Variants in MYRIP observed in about 807,000 individuals in gnomAD.
MYRIP encodes rab effector MyRIP.
MYRIP carries 49 observed loss-of-function variants against 98.0 expected under a neutral mutation model. That is an observed-to-expected ratio of 0.50 (90% CI 0.40 to 0.63). MYRIP has a LOEUF of 0.63. Among genes scored for constraint, MYRIP ranks in the 30% least tolerant of loss-of-function variants. The pLI is 0.00. For missense variants in MYRIP, 1,004 were observed against 1,058.2 expected, an observed-to-expected ratio of 0.95 and a Z score of 0.71; for synonymous variants, 404 against 409.5, an observed-to-expected ratio of 0.99 and a Z score of 0.16.
chr3:40,142,257 T>C (rs1949918841), intron 3 of MYRIP, among the ~76,000 whole-genome samples: 1 of 152,060 alleles, frequency 6.6e-6, no homozygotes, highest in South Asian at 2.1e-4. Flanking sequence ...TTTACCATGT[T>C]GGTCAGGCTG....
intron 1 of MYRIP, among the ~76,000 whole-genome samples, chr3:39,845,970 C>G (rs1294874364): frequency 6.6e-6 from 1 of 152,146 alleles, no homozygotes; most frequent in African/African-American, 2.4e-5. Context: ...AGATGACCTT[C>G]CTGCAGTCAC....
intron 1 of MYRIP, among the ~76,000 whole-genome samples, chr3:39,888,920 A>G (rs1943396974): frequency 6.6e-6 from 1 of 152,208 alleles, no homozygotes; most frequent in Admixed American, 6.5e-5. Flanking sequence ...CAAAAAACAC[A>G]TGAAAAAATG....
At chr3:40,136,296 C>T (rs951977110) in intron 3 of MYRIP, among the ~76,000 whole-genome samples, 21 of 152,158 alleles carry the variant, frequency 1.4e-4, no homozygotes, top group African/African-American at 5.1e-4. Context: ...AAGGCCATTA[C>T]ATAATGGTAA....
chr3:40,244,995 T>G lies in MYRIP; in HGVS notation c.2262+388T>G, dbSNP rs73827178. On this transcript the variant is annotated intron_variant, in intron 13 of 16. Transcript: ENST00000302541. ...TTAAGTAATATTCCCCATTATAGAC[T>G]GAAAGCTCCATGAGAATAGAACTAT... Among the ~76,000 whole-genome samples the G allele has an allele frequency of 8.8e-3, 1,343 of 152,296 alleles. 12 individuals carry two copies. Among genetic ancestry groups the G allele is most frequent in the African/African-American group, 0.031 (1,293 of 41,546 alleles).
At chr3:39,826,819 A>G (rs148988966) in intron 1 of MYRIP, among the ~76,000 whole-genome samples, 4 of 152,252 alleles carry the variant, frequency 2.6e-5, no homozygotes, top group African/African-American at 9.6e-5. Flanking sequence ...TAGATGCTCC[A>G]GTATTGGTTG....
At position 39,983,778 on chromosome 3, in the gene MYRIP, C is replaced by A. The variant is rs530222634; in HGVS notation, c.111-60272C>A. 1.4e-3 allele frequency among the ~76,000 whole-genome samples: 219 copies of A among 152,240 alleles called. 1 individual carries two copies. The highest frequency in any genetic ancestry group is 5.1e-3 in the African/African-American group (212 of 41,550). On this transcript the variant is annotated intron_variant, in intron 2 of 16. Coordinates refer to ENST00000302541, the MANE Select transcript of MYRIP (RefSeq NM_015460.4). ...AGAAAAATAATAGTAGGGACGCATTCTTTATAAAATACTTGAGAACATTCA... is the reference window on the plus strand; with the variant it reads ...AGAAAAATAATAGTAGGGACGCATTATTTATAAAATACTTGAGAACATTCA...
chr3:40,251,785 A>C (rs1407521940), intron 15 of MYRIP, 96 bp from the exon 16 acceptor site: 2 of 800,452 alleles, frequency 2.5e-6, no homozygotes, highest in Non-Finnish European at 4.3e-6. Context: ...CCAAGTCTAG[A>C]ACAAAAGTCT....
intron 4 of MYRIP, among the ~76,000 whole-genome samples, chr3:40,159,850 T>G (rs1950341501): frequency 6.6e-6 from 1 of 152,352 alleles, no homozygotes; most frequent in East Asian, 1.9e-4. Context: ...CTCCACCAGC[T>G]CCTTTAAGCA....
intron 3 of MYRIP, among the ~76,000 whole-genome samples, chr3:40,072,200 AT>A (rs1387074763): frequency 6.6e-6 from 1 of 151,854 alleles, no homozygotes; most frequent in Non-Finnish European, 1.5e-5. Context: ...TATGCATTTT[AT>A]TTTTTTATTT....
rs533159131 is a variant in MYRIP, at chr3:40,236,012, A to T, written c.2100+1959A>T. Among the ~76,000 whole-genome samples, 6 of 152,360 alleles carry T rather than the reference A, an allele frequency of 3.9e-5. No individual in the cohort carries two copies. In the East Asian group the frequency reaches 1.2e-3, roughly 29 times the overall value. ...TCAATACCATTTAGTTTGTACTCCT[A>T]AAAGCTATTCGCAAATATAAATATA... On this transcript the variant is annotated intron_variant, in intron 12 of 16. Coordinates refer to ENST00000302541, the MANE Select transcript of MYRIP (RefSeq NM_015460.4).
intron 2 of MYRIP, among the ~76,000 whole-genome samples, chr3:39,952,909 T>C (rs938290237): frequency 1.3e-5 from 2 of 152,120 alleles, no homozygotes; most frequent in Admixed American, 1.3e-4. Context: ...CAGGGATATA[T>C]ATGTAGGAGC....
intron 2 of MYRIP, among the ~76,000 whole-genome samples, chr3:40,028,190 G>A (rs890269117): frequency 6.6e-6 from 1 of 152,122 alleles, no homozygotes; most frequent in African/African-American, 2.4e-5. Context: ...CAGAGCTGGC[G>A]TGGTGATAGA....
chr3:39,903,339 G>T (rs1238864197), intron 2 of MYRIP, among the ~76,000 whole-genome samples: 9 of 152,144 alleles, frequency 5.9e-5, no homozygotes, highest in Admixed American at 5.9e-4. Flanking sequence ...TTTAATGAAT[G>T]TATAACTCAT....
intron 11 of MYRIP, among the ~76,000 whole-genome samples, chr3:40,229,303 A>C (rs1037447311): frequency 2.6e-5 from 4 of 152,214 alleles, no homozygotes. Context: ...TTGCTAAGGT[A>C]AAGTGTATTT....
chr3:40,097,608 C>T (rs570565529), intron 3 of MYRIP, among the ~76,000 whole-genome samples: 2 of 152,066 alleles, frequency 1.3e-5, no homozygotes, highest in Non-Finnish European at 1.5e-5. Flanking sequence ...TAAAAAACAC[C>T]CCCTCTCCAC....
At chr3:39,826,278 A>G (rs1175512047) in intron 1 of MYRIP, among the ~76,000 whole-genome samples, 1 of 151,730 alleles carries the variant, frequency 6.6e-6, no homozygotes, top group African/African-American at 2.4e-5. Context: ...AAATCTTTCT[A>G]CTTTTTTGAT....
intron 2 of MYRIP, among the ~76,000 whole-genome samples, chr3:39,950,930 T>G (rs965579265): frequency 6.6e-6 from 1 of 152,206 alleles, no homozygotes; most frequent in Non-Finnish European, 1.5e-5. Context: ...TATACCTTTT[T>G]GTATTCAGGT....
intron 2 of MYRIP, among the ~76,000 whole-genome samples, chr3:39,975,629 C>T (rs867857930): frequency 7.3e-5 from 11 of 151,306 alleles, no homozygotes; most frequent in African/African-American, 1.2e-4. Flanking sequence ...GGAGGCATCA[C>T]GCTACCTGAC....
At chr3:40,165,744 G>A (rs1325405222) in intron 5 of MYRIP, among the ~76,000 whole-genome samples, 1 of 116,114 alleles carries the variant, frequency 8.6e-6, no homozygotes, top group Non-Finnish European at 1.7e-5. Flanking sequence ...TCTCTCATTT[G>A]TTGCCATATC....
Sources: allele counts gnomAD v4.1 joint callset (sites outside exome capture counted in the v4.1 genomes callset), GRCh38; gene constraint gnomAD v4.1.1; transcripts MANE v1.5; gene names NCBI Gene and HGNC (gene_info 2026-07-23, HGNC 2026-07-21).